KLF8: variants seen among roughly 807,000 people sequenced by gnomAD.
The protein encoded by KLF8 is KLF transcription factor 8, also known as Krueppel-like factor 8.
Under a neutral mutation model 18.2 loss-of-function variants are expected in KLF8, and 10 were observed. That is an observed-to-expected ratio of 0.55 (90% CI 0.34 to 0.93). KLF8 has a LOEUF of 0.93. KLF8 is among the 40% of genes least tolerant of loss of function. The pLI is 0.02. For synonymous variants in KLF8, 109 were observed against 97.3 expected (o/e 1.12, Z -0.71); for missense variants, 264 against 277.9 (o/e 0.95, Z 0.36).
chrX:56,015,515 G>A, the KLF8 span, among the ~76,000 whole-genome samples: 1 of 112,257 alleles, frequency 8.9e-6, no homozygotes, highest in Non-Finnish European at 1.9e-5. Flanking sequence ...TCTGTGAATT[G>A]CCTTTGTACA....
the KLF8 span, among the ~76,000 whole-genome samples, chrX:56,087,283 C>T: frequency 1.8e-5 from 2 of 110,541 alleles, no homozygotes; most frequent in East Asian, 5.7e-4. Flanking sequence ...AATTGTTATC[C>T]CCAGTGTTGG....
chrX:56,213,299 C>T, the KLF8 span, among the ~76,000 whole-genome samples: 363 of 30,360 alleles, frequency 0.012, 15 homozygotes, highest in African/African-American at 0.042. Flanking sequence ...CTTTTCTTTT[C>T]TTTTCTTTTC....
the KLF8 span, among the ~76,000 whole-genome samples, chrX:56,180,763 T>G: frequency 8.9e-6 from 1 of 112,185 alleles, no homozygotes; most frequent in South Asian, 3.7e-4. Context: ...TCCATATAGT[T>G]GTGCAGTTTC....
the KLF8 span, among the ~76,000 whole-genome samples, chrX:56,204,548 G>A: frequency 9.0e-6 from 1 of 111,334 alleles, no homozygotes. Context: ...TATGGTACTA[G>A]CCATGGGTCT....
At chrX:55,971,261 G>A in the KLF8 span, among the ~76,000 whole-genome samples, 1 of 110,974 alleles carries the variant, frequency 9.0e-6, no homozygotes, top group African/African-American at 3.3e-5. Context: ...ATAAATTAAT[G>A]CATTTACAGT....
At chrX:55,972,020 C>G in the KLF8 span, among the ~76,000 whole-genome samples, 4 of 110,711 alleles carry the variant, frequency 3.6e-5, no homozygotes, top group Admixed American at 2.9e-4. Flanking sequence ...TCCATAAAAT[C>G]CAGCAATCCC....
At chrX:55,988,278 T>C in the KLF8 span, among the ~76,000 whole-genome samples, 1 of 111,008 alleles carries the variant, frequency 9.0e-6, no homozygotes, top group Non-Finnish European at 1.9e-5. Flanking sequence ...TCCTTGCCCA[T>C]GCCTATGTCC....
chrX:55,975,837 C>G, the KLF8 span, among the ~76,000 whole-genome samples: 2 of 111,774 alleles, frequency 1.8e-5, no homozygotes, highest in Admixed American at 1.9e-4. Flanking sequence ...TGGCCAGGCG[C>G]GGTGGCTTAC....
At chrX:56,152,445 G>A in the KLF8 span, among the ~76,000 whole-genome samples, 1 of 110,937 alleles carries the variant, frequency 9.0e-6, no homozygotes, top group Non-Finnish European at 1.9e-5. Flanking sequence ...TGACTTCTTT[G>A]AGACTTTCAG....
the KLF8 span, among the ~76,000 whole-genome samples, chrX:56,165,898 C>G: frequency 1.8e-5 from 2 of 109,712 alleles, no homozygotes; most frequent in African/African-American, 6.6e-5. Flanking sequence ...CACCACCAAT[C>G]TGTTCAGAAA....
chrX:55,976,384 A>G, the KLF8 span, among the ~76,000 whole-genome samples: 1 of 111,211 alleles, frequency 9.0e-6, no homozygotes. Flanking sequence ...CCAGCTCCTG[A>G]TTACCACCAT....
At chrX:56,076,729 A>G in the KLF8 span, among the ~76,000 whole-genome samples, 1 of 111,696 alleles carries the variant, frequency 9.0e-6, no homozygotes, top group Non-Finnish European at 1.9e-5. Flanking sequence ...GACTTCCACA[A>G]TGGTTGAACT....
At chrX:56,075,887 T>C in the KLF8 span, among the ~76,000 whole-genome samples, 1 of 112,003 alleles carries the variant, frequency 8.9e-6, no homozygotes, top group Non-Finnish European at 1.9e-5. Flanking sequence ...TGTGTATATA[T>C]GCCACATTTC....
At chrX:56,173,349 A>C in the KLF8 span, among the ~76,000 whole-genome samples, 1 of 111,916 alleles carries the variant, frequency 8.9e-6, no homozygotes, top group Admixed American at 9.5e-5. Context: ...CCTTTTGTTA[A>C]ATAGGGAATT....
At chrX:56,083,939 G>T in the KLF8 span, among the ~76,000 whole-genome samples, 11 of 111,780 alleles carry the variant, frequency 9.8e-5, no homozygotes, top group Non-Finnish European at 1.7e-4. Context: ...GGTCCCTGGT[G>T]CCATAAAGTT....
At chrX:56,174,006 G>T in the KLF8 span, among the ~76,000 whole-genome samples, 1 of 111,829 alleles carries the variant, frequency 8.9e-6, no homozygotes, top group Admixed American at 9.6e-5. Flanking sequence ...CTGAGACGAT[G>T]GGGTTTTCTA....
At chrX:56,075,260 C>T in the KLF8 span, among the ~76,000 whole-genome samples, 6 of 111,056 alleles carry the variant, frequency 5.4e-5, no homozygotes, top group African/African-American at 2.0e-4. Flanking sequence ...CTTAAATTTA[C>T]AAATTATTCA....
At chrX:56,067,053 C>CCTTG in the KLF8 span, among the ~76,000 whole-genome samples, 3 of 109,288 alleles carry the variant, frequency 2.7e-5, no homozygotes, top group Non-Finnish European at 1.9e-5. Flanking sequence ...CTCTCTCCTC[C>CCTTG]CTTGCCTTAA....
At chrX:56,238,644 T>G (rs750498473) in intron 1 of KLF8, among the ~76,000 whole-genome samples, 1 of 111,596 alleles carries the variant, frequency 9.0e-6, no homozygotes, top group East Asian at 2.8e-4. Flanking sequence ...CTGGCCTAGG[T>G]GGCCTTAACC....
Sources: allele counts gnomAD v4.1 joint callset (sites outside exome capture counted in the v4.1 genomes callset), GRCh38; gene constraint gnomAD v4.1.1; transcripts MANE v1.5; gene names NCBI Gene and HGNC (gene_info 2026-07-23, HGNC 2026-07-21).